PCDHGA1: variants seen among roughly 807,000 people sequenced by gnomAD.
PCDHGA1 encodes protocadherin gamma subfamily A, 1.
PCDHGA1 carries 32 observed loss-of-function variants against 58.0 expected under a neutral mutation model. That is an observed-to-expected ratio of 0.55 (90% CI 0.42 to 0.74). PCDHGA1 has a LOEUF of 0.74. Among genes scored for constraint, PCDHGA1 ranks in the 30% least tolerant of loss-of-function variants. The pLI, the probability that PCDHGA1 is intolerant of heterozygous loss-of-function variation, is 0.00. For synonymous variants in PCDHGA1, 498 were observed against 501.1 expected, an observed-to-expected ratio of 0.99 and a Z score of 0.08; for missense variants, 1,205 against 1,182.3, an observed-to-expected ratio of 1.02 and a Z score of -0.28.
chr5:141,433,595 G>C (rs2097629585), intron 1 of PCDHGA1, among the ~76,000 whole-genome samples: 1 of 152,070 alleles, frequency 6.6e-6, no homozygotes, highest in South Asian at 2.1e-4. Context: ...CAGTACTTTG[G>C]GAGGCCGAGG....
At chr5:141,427,573 T>C in intron 1 of PCDHGA1, 1 of 667,160 alleles carries the variant, frequency 1.5e-6, no homozygotes, top group Non-Finnish European at 2.8e-6. Context: ...AAGCCTCCGC[T>C]CTCATCCAGC....
At chr5:141,390,922 A>G (rs935110449) in intron 1 of PCDHGA1, 8 of 152,482 alleles carry the variant, frequency 5.2e-5, no homozygotes, top group Non-Finnish European at 1.0e-4. Context: ...AAGGTCTACT[A>G]TGCTCATTAG....
chr5:141,374,191 C>G lies in PCDHGA1; in HGVS notation c.2421+41086C>G, dbSNP rs780279453. On this transcript the variant is annotated intron_variant, in intron 1 of 3. Coordinates refer to ENST00000517417, the MANE Select transcript of PCDHGA1 (RefSeq NM_018912.3). ...CAGCGCAGATCCGCTACTCTATTCC[C>G]GAGGAGCTGGAGAAAGGCTCCTTCG... The G allele has an allele frequency of 6.2e-6, 10 of 1,613,664 alleles. No homozygotes were observed. In the Admixed American group the frequency reaches 1.5e-4, roughly 24 times the overall value.
At chr5:141,367,190 T>C (rs1025427411) in intron 1 of PCDHGA1, 2 of 158,754 alleles carry the variant, frequency 1.3e-5, no homozygotes, top group South Asian at 1.8e-4. Flanking sequence ...AAGGAAATAA[T>C]TTACAGTATT....
At chr5:141,401,391 T>C (rs923364219) in intron 1 of PCDHGA1, among the ~76,000 whole-genome samples, 1 of 152,140 alleles carries the variant, frequency 6.6e-6, no homozygotes, top group Non-Finnish European at 1.5e-5. Flanking sequence ...ATACTACATG[T>C]TATGTGTATG....
intron 1 of PCDHGA1, chr5:141,411,226 C>G (rs781690096): frequency 6.6e-6 from 1 of 151,996 alleles, no homozygotes; most frequent in South Asian, 2.1e-4. Flanking sequence ...TTCAAATTTG[C>G]GAAGACTTAG....
chr5:141,346,222 G>A, intron 1 of PCDHGA1: 1 of 1,614,204 alleles, frequency 6.2e-7, no homozygotes, highest in South Asian at 1.1e-5. Flanking sequence ...GCTTCGGGAG[G>A]CGGCTTGGCG....
At position 141,431,192 on chromosome 5, in the gene PCDHGA1, A is replaced by T. The variant is rs769745353; in HGVS notation, c.2422-63615A>T. 8.7e-6 allele frequency: 14 copies of T among 1,614,042 alleles called. No homozygotes were observed. Among genetic ancestry groups the T allele is most frequent in the African/African-American group, 2.7e-5 (2 of 74,912 alleles). On this transcript the variant is annotated intron_variant, in intron 1 of 3. Coordinates refer to ENST00000517417, the MANE Select transcript of PCDHGA1 (RefSeq NM_018912.3). This position sits in a 1 kb window ranked among gnomAD's most constrained non-coding sequence, Gnocchi z 4.8. ...TGAATTAGAAATAAAAATTAGTGAA[A>T]ATGCAGCCACTGAGATGCGGTTCCC...
chr5:141,448,974 C>T (rs937711828), intron 1 of PCDHGA1, among the ~76,000 whole-genome samples: 5 of 151,994 alleles, frequency 3.3e-5, no homozygotes, highest in African/African-American at 1.2e-4. Context: ...CAAAAAAGAA[C>T]TTCCATATTA....
chr5:141,449,944 T>C (rs1375717746), intron 1 of PCDHGA1, among the ~76,000 whole-genome samples: 1 of 151,744 alleles, frequency 6.6e-6, no homozygotes, highest in Non-Finnish European at 1.5e-5. Flanking sequence ...TATATTTTAC[T>C]ATACCTCATA....
Position 141,413,600 on chromosome 5 carries a change from T to A in PCDHGA1, c.2421+80495T>A, listed in dbSNP as rs767830855. ...GCTCCAAAATTCCAAGCAGAAAATC[T>A]AGACGTAAAAATTAATGAAAATGTC... On this transcript the variant is annotated intron_variant, in intron 1 of 3. Transcript: ENST00000517417. 2.4e-5 allele frequency: 39 copies of A among 1,613,750 alleles called. No homozygotes were observed. Among genetic ancestry groups the A allele is most frequent in the Non-Finnish European group, 3.3e-5 (39 of 1,179,908 alleles).
chr5:141,383,521 C>T (rs1434665459), intron 1 of PCDHGA1: 5 of 1,612,260 alleles, frequency 3.1e-6, no homozygotes, highest in Non-Finnish European at 4.2e-6. Flanking sequence ...AGAGCGGGTT[C>T]ACCACCTGGT....
intron 1 of PCDHGA1, chr5:141,371,190 GC>G: frequency 6.2e-7 from 1 of 1,613,982 alleles, no homozygotes; most frequent in Non-Finnish European, 8.5e-7. Flanking sequence ...AAAAGTGATG[GC>G]CATTGACATG....
chr5:141,420,525 C>T (rs895355117), intron 1 of PCDHGA1: 2 of 358,086 alleles, frequency 5.6e-6, no homozygotes, highest in South Asian at 2.1e-4. Flanking sequence ...AAATACCTTT[C>T]GGTTAAAAAT....
At chr5:141,463,808 T>C (rs1018369312) in intron 1 of PCDHGA1, among the ~76,000 whole-genome samples, 2 of 152,196 alleles carry the variant, frequency 1.3e-5, no homozygotes, top group African/African-American at 4.8e-5. Flanking sequence ...CTAAAAGCTT[T>C]TATCACACAT....
chr5:141,395,542 TTGTGTGTGTGTGTGTGTGTGTGTGTG>T lies in PCDHGA1; in HGVS notation c.2421+62461_2421+62486del, dbSNP rs55729045. 7.0e-5 allele frequency: 12 copies of T among 172,630 alleles called. No homozygotes were observed. In the South Asian group the frequency reaches 8.7e-4, roughly 12 times the overall value. 10.7% of individuals were successfully genotyped at this position (172,630 alleles called of 1,614,324 possible). ...TCCATACTGGTAATTTTGCTATTGTTTGTGTGTGTGTGTGTGTGTGTGTGTGTGTGTGTGTGTGTGTGTGTGTGTAT... is the reference window on the plus strand; with the variant it reads ...TCCATACTGGTAATTTTGCTATTGTTTGTGTGTGTGTGTGTGTGTGTGTAT... On this transcript the variant is annotated intron_variant, in intron 1 of 3. Coordinates refer to ENST00000517417, the MANE Select transcript of PCDHGA1 (RefSeq NM_018912.3).
chr5:141,339,173 TCCAGAGGTAGGTC>T (rs768142136), intron 1 of PCDHGA1: 2 of 1,614,110 alleles, frequency 1.2e-6, no homozygotes, highest in South Asian at 2.2e-5. Context: ...CCGCATCGTC[TCCAGAGGTAGGTC>T]CCAGCTCTTT....
At chr5:141,377,524 G>A (rs574411289) in intron 1 of PCDHGA1, 3 of 151,920 alleles carry the variant, frequency 2.0e-5, no homozygotes, top group Admixed American at 6.6e-5. Context: ...TAAGTCCAGG[G>A]GTATGAGGCT....
Position 141,489,276 on chromosome 5 carries a change from AT to A in PCDHGA1, c.2422-5530del, listed in dbSNP as rs2099684949. 1.9e-6 allele frequency: 3 copies of A among 1,556,004 alleles called. No homozygotes were observed. Among genetic ancestry groups the A allele is most frequent in the Non-Finnish European group, 2.6e-6 (3 of 1,151,570 alleles). ...AGACACTCCCACAGCTCGCTGGGAA[AT>A]GGCAAGTGCTGTGCATGTTGTCCTT... On this transcript the variant is annotated intron_variant, in intron 1 of 3. Coordinates refer to ENST00000517417, the MANE Select transcript of PCDHGA1 (RefSeq NM_018912.3). This position sits in a 1 kb window ranked among gnomAD's most constrained non-coding sequence, Gnocchi z 4.5.
Sources: gnomAD v4.1 joint callset for allele counts (sites outside exome capture counted in the v4.1 genomes callset) on GRCh38, gnomAD v4.1.1 for gene constraint, Gnocchi (gnomAD v3.1) non-coding constraint, MANE v1.5 for transcripts, NCBI Gene and HGNC (gene_info 2026-07-23, HGNC 2026-07-21) for gene names.